Variants in WDR26 observed in about 807,000 individuals in gnomAD.
WDR26 encodes the protein WD repeat-containing protein 26.
WDR26 carries 5 observed loss-of-function variants against 84.1 expected under a neutral mutation model. The ratio of observed to expected loss-of-function variants is 0.06; its 90% CI spans 0.03 to 0.13. WDR26 has a LOEUF of 0.13. Among genes scored for constraint, WDR26 ranks in the 10% least tolerant of loss-of-function variants. WDR26 has a pLI of 1.00. For missense variants in WDR26, 642 were observed against 974.9 expected, an observed-to-expected ratio of 0.66 and a Z score of 4.55; for synonymous variants, 415 against 389.6, an observed-to-expected ratio of 1.07 and a Z score of -0.77.
intron 6 of WDR26, among the ~76,000 whole-genome samples, chr1:224,417,692 T>C (rs983814435): frequency 6.6e-5 from 10 of 152,220 alleles, no homozygotes; most frequent in African/African-American, 9.6e-5. Flanking sequence ...AGAGAGGCTG[T>C]GTCTAAAAAA....
Position 224,431,743 on chromosome 1 carries a change from C to T in WDR26, c.761G>A (p.Arg254His), listed in dbSNP as rs1434690264. ...TTTGGTAGCAGAAGGATGTTCTAAACGACATCCTGACTCTTGCATGAGGAG... is the reference window on the plus strand; with the variant it reads ...TTTGGTAGCAGAAGGATGTTCTAAATGACATCCTGACTCTTGCATGAGGAG... The change falls in exon 2 of 14, where the codon CGT becomes CAT. Residue 254 changes from arginine (R) to histidine (H), a missense_variant. Physicochemically the swap from Arg to His is conservative, Grantham distance 29. This residue lies in a region of WDR26 where 351 missense variants were observed against 672.8 expected (regional missense o/e 0.52). Transcript: ENST00000414423. The T allele has an allele frequency of 1.2e-6, 2 of 1,613,830 alleles. No homozygotes were observed. Among genetic ancestry groups the T allele is most frequent in the Admixed American group, 1.7e-5 (1 of 60,006 alleles).
chr1:224,414,231 C>G (rs1238999446), intron 6 of WDR26, among the ~76,000 whole-genome samples: 1 of 151,782 alleles, frequency 6.6e-6, no homozygotes, highest in East Asian at 1.9e-4. Flanking sequence ...TCAGCCTCCC[C>G]AGCAGCTGGG....
rs1482944978 is a variant in WDR26 at position 224,418,436 on chromosome 1, A to T, written c.1163-20T>A. On this transcript the variant is annotated intron_variant, in intron 5 of 13. Coordinates refer to ENST00000414423, the MANE Select transcript of WDR26 (RefSeq NM_001379403.1). ...AATAGGCTTTAATAGAAGATATTTT[A>T]AAAAAGAGAAATAATAATAAACTGT... The T allele has an allele frequency of 1.9e-6, 3 of 1,571,618 alleles. No homozygotes were observed. The highest frequency in any genetic ancestry group is 2.6e-6 in the Non-Finnish European group (3 of 1,163,750).
At chr1:224,392,476 T>C (rs1248783025) in intron 13 of WDR26, among the ~76,000 whole-genome samples, 1 of 152,160 alleles carries the variant, frequency 6.6e-6, no homozygotes, top group Non-Finnish European at 1.5e-5. Context: ...CCCAAATGAC[T>C]AATAAAATGA....
chr1:224,417,312 T>C (rs1673933778), intron 6 of WDR26, among the ~76,000 whole-genome samples: 1 of 152,250 alleles, frequency 6.6e-6, no homozygotes, highest in South Asian at 2.1e-4. Context: ...ATTGCAGCTA[T>C]TCTCTATTCT....
chr1:224,411,392 T>C, intron 7 of WDR26, 35 bp downstream of exon 7: 3 of 1,559,606 alleles, frequency 1.9e-6, no homozygotes, highest in Non-Finnish European at 2.6e-6. Context: ...AATTATCCCC[T>C]TTTGTAATAT....
intron 7 of WDR26, 94 bp from the exon 8 acceptor site, chr1:224,404,664 A>G (rs1373559700): frequency 2.1e-6 from 3 of 1,449,424 alleles, no homozygotes; most frequent in African/African-American, 2.8e-5. Context: ...ATGTACTTTG[A>G]TAATTTAATC....
intron 7 of WDR26, among the ~76,000 whole-genome samples, chr1:224,409,263 G>A (rs1372914425): frequency 6.6e-6 from 1 of 152,024 alleles, no homozygotes; most frequent in East Asian, 1.9e-4. Flanking sequence ...CATTAATAAA[G>A]CATTAAATAA....
chr1:224,391,169 C>G (rs1441974624), intron 13 of WDR26, among the ~76,000 whole-genome samples: 2 of 151,514 alleles, frequency 1.3e-5, no homozygotes, highest in African/African-American at 4.9e-5. Context: ...GAGTTCAAGA[C>G]CAGCCTGACC....
At chr1:224,418,898 A>C (rs900804455) in intron 5 of WDR26, among the ~76,000 whole-genome samples, 1 of 152,202 alleles carries the variant, frequency 6.6e-6, no homozygotes, top group African/African-American at 2.4e-5. Flanking sequence ...CCAAATGCCA[A>C]AGATACTGTG....
rs1469499320 is a variant in WDR26, at chr1:224,418,373, C to T, written c.1206G>A (p.Gln402=). 1 of 1,613,448 alleles carries T rather than the reference C, an allele frequency of 6.2e-7. No homozygotes were observed. The highest frequency in any genetic ancestry group is 1.1e-5 in the South Asian group (1 of 90,998). ...GTTCCACCGCCTGCCGCAGGAGAGT[C>T]TGTAAACGCCGTGGGGGAAGCATCA... is the stretch of plus-strand genomic sequence containing the variant. The change falls in exon 6 of 14, where the codon CAG becomes CAA. Residue 402 remains glutamine, a synonymous_variant. Transcript: ENST00000414423.
intron 7 of WDR26, among the ~76,000 whole-genome samples, chr1:224,409,072 G>A (rs897191494): frequency 2.0e-5 from 3 of 151,992 alleles, no homozygotes; most frequent in African/African-American, 7.3e-5. Flanking sequence ...ATTAGGTAGT[G>A]GTGGGTAGTA....
At chr1:224,402,879 AT>A (rs1673454552) in intron 8 of WDR26, among the ~76,000 whole-genome samples, 1 of 152,124 alleles carries the variant, frequency 6.6e-6, no homozygotes, top group Non-Finnish European at 1.5e-5. Flanking sequence ...ACAATTGTGG[AT>A]TTTGATCATG....
In WDR26 at chr1:224,433,794, G is replaced by C; in HGVS notation, c.612C>G (p.Ser204=). The C allele has an allele frequency of 2.0e-6, 3 of 1,537,038 alleles. No homozygotes were observed. The highest frequency in any genetic ancestry group is 2.6e-6 in the Non-Finnish European group (3 of 1,146,812). ...TGCTGCCCAGTTCTGGGGTGGCCAA[G>C]GAAGAGGAGGCGGCGGTGGTGGCGG... The change falls in exon 1 of 14, where the codon TCC becomes TCG. Residue 204 remains serine, a synonymous_variant. Coordinates refer to ENST00000414423, the MANE Select transcript of WDR26 (RefSeq NM_001379403.1).
chr1:224,390,517 G>T (rs1423369547), intron 13 of WDR26, among the ~76,000 whole-genome samples: 1 of 152,204 alleles, frequency 6.6e-6, no homozygotes, highest in East Asian at 1.9e-4. Flanking sequence ...GAAAGATCTG[G>T]CAGTCTAAGG....
At chr1:224,416,612 A>G (rs560721354) in intron 6 of WDR26, among the ~76,000 whole-genome samples, 2 of 152,358 alleles carry the variant, frequency 1.3e-5, no homozygotes, top group East Asian at 1.9e-4. Context: ...TTCATCACTT[A>G]GTTTCATAGG....
At chr1:224,399,273 C>T (rs1019237571) in intron 9 of WDR26, among the ~76,000 whole-genome samples, 4 of 152,088 alleles carry the variant, frequency 2.6e-5, no homozygotes, top group Admixed American at 6.6e-5. Flanking sequence ...TCTATCTTCC[C>T]TTCAATAACT....
At chr1:224,398,283 A>G in intron 11 of WDR26, 57 bp from the exon 12 acceptor site, 2 of 1,572,896 alleles carry the variant, frequency 1.3e-6, no homozygotes, top group Non-Finnish European at 1.7e-6. Flanking sequence ...CAAATTTTAA[A>G]AAGTATCTGT....
At chr1:224,398,740 TTACTGA>T in intron 10 of WDR26, 143 bp downstream of exon 10, 1 of 1,193,774 alleles carries the variant, frequency 8.4e-7, no homozygotes. Context: ...AGAATCTGAG[TTACTGA>T]TTACTAAGTA....
Sources: allele counts gnomAD v4.1 joint callset (sites outside exome capture counted in the v4.1 genomes callset), GRCh38; gene constraint gnomAD v4.1.1; regional missense constraint gnomAD v4.1.1; transcripts MANE v1.5; gene names NCBI Gene and HGNC (gene_info 2026-07-23, HGNC 2026-07-21).